STX8: variants seen among roughly 807,000 people sequenced by gnomAD.
STX8 encodes the protein syntaxin 8, also known as syntaxin-8.
Under a neutral mutation model 37.5 loss-of-function variants are expected in STX8, and 23 were observed. The observed-to-expected ratio is 0.61, with a 90% CI of 0.44 to 0.87. The LOEUF (loss-of-function observed/expected upper bound fraction) is 0.87, where lower values mean the gene tolerates loss of function less well. Ranked by LOEUF, STX8 falls within the 40% of genes least tolerant of loss-of-function variation. The pLI is 0.00. For missense variants in STX8, 313 were observed against 284.7 expected (o/e 1.10, Z -0.71); for synonymous variants, 115 against 99.1 (o/e 1.16, Z -0.95).
At chr17:9,435,331 A>G (rs1904393204) in intron 6 of STX8, among the ~76,000 whole-genome samples, 2 of 152,200 alleles carry the variant, frequency 1.3e-5, no homozygotes, top group Admixed American at 6.5e-5. Flanking sequence ...GCTAGAGCAC[A>G]GGAGATTAGG....
intron 6 of STX8, among the ~76,000 whole-genome samples, chr17:9,422,287 A>T (rs1339421604): frequency 6.6e-6 from 1 of 151,984 alleles, no homozygotes; most frequent in East Asian, 1.9e-4. Flanking sequence ...GTATTTTTTT[A>T]GTAGAGACAG....
chr17:9,554,991 C>T (rs559972999), intron 3 of STX8: 2 of 151,708 alleles, frequency 1.3e-5, no homozygotes, highest in Non-Finnish European at 2.9e-5. Context: ...TAAATGCCAT[C>T]CCTAGTACTG....
intron 6 of STX8, among the ~76,000 whole-genome samples, chr17:9,483,968 G>A (rs1906463938): frequency 6.6e-6 from 1 of 152,124 alleles, no homozygotes; most frequent in Admixed American, 6.5e-5. Flanking sequence ...CTACAGTGGG[G>A]CTGAATTGCT....
chr17:9,370,416 G>GT (rs1911367251), intron 7 of STX8, among the ~76,000 whole-genome samples: 1 of 152,106 alleles, frequency 6.6e-6, no homozygotes, highest in South Asian at 2.1e-4. Context: ...CACCCAGGCT[G>GT]TAAGTGGCAG....
chr17:9,388,007 G>A (rs559462569), intron 6 of STX8, among the ~76,000 whole-genome samples: 2 of 151,812 alleles, frequency 1.3e-5, no homozygotes, highest in African/African-American at 4.8e-5. Context: ...GACCGAAAAC[G>A]AAGTTTTTCA....
intron 7 of STX8, among the ~76,000 whole-genome samples, chr17:9,280,575 A>G (rs1021017135): frequency 6.6e-6 from 1 of 152,206 alleles, no homozygotes; most frequent in Non-Finnish European, 1.5e-5. Flanking sequence ...AAAATTTTAA[A>G]AACTAATGAA....
intron 7 of STX8, among the ~76,000 whole-genome samples, chr17:9,285,850 A>G (rs1176015477): frequency 3.9e-5 from 6 of 152,238 alleles, no homozygotes; most frequent in Non-Finnish European, 8.8e-5. Context: ...TTGTGCTTAG[A>G]AAAACAAATA....
At chr17:9,484,673 A>T (rs986349045) in intron 6 of STX8, among the ~76,000 whole-genome samples, 3 of 151,270 alleles carry the variant, frequency 2.0e-5, no homozygotes, top group African/African-American at 7.3e-5. Context: ...AAAAAAAAAA[A>T]AAAATTAGCC....
intron 2 of STX8, among the ~76,000 whole-genome samples, chr17:9,567,582 ATTT>A (rs1907511239): frequency 6.6e-6 from 1 of 152,238 alleles, no homozygotes; most frequent in Admixed American, 6.5e-5. Flanking sequence ...AGAGGCTTCT[ATTT>A]TCAATCATAG....
chr17:9,571,654 A>C (rs1907696830), intron 1 of STX8, among the ~76,000 whole-genome samples: 1 of 150,458 alleles, frequency 6.6e-6, no homozygotes, highest in African/African-American at 2.4e-5. Flanking sequence ...AGTGGCTCAC[A>C]CCTGTAATCC....
At chr17:9,312,765 G>A (rs1038014774) in intron 7 of STX8, among the ~76,000 whole-genome samples, 3 of 151,802 alleles carry the variant, frequency 2.0e-5, no homozygotes, top group African/African-American at 7.3e-5. Flanking sequence ...TAGAGTTAGA[G>A]GTAGAACAGT....
At chr17:9,520,802 A>G (rs969680473) in intron 4 of STX8, among the ~76,000 whole-genome samples, 4 of 152,234 alleles carry the variant, frequency 2.6e-5, no homozygotes, top group African/African-American at 9.6e-5. Context: ...ATAGCAGTGA[A>G]TTCCAAGAAG....
intron 7 of STX8, among the ~76,000 whole-genome samples, chr17:9,291,228 C>T (rs550500512): frequency 8.5e-5 from 13 of 152,102 alleles, no homozygotes; most frequent in South Asian, 8.3e-4. Flanking sequence ...AAAAGTCACC[C>T]GAGCCGAGGA....
chr17:9,263,309 C>G (rs2142129781), intron 7 of STX8, among the ~76,000 whole-genome samples: 1 of 152,192 alleles, frequency 6.6e-6, no homozygotes, highest in Admixed American at 6.5e-5. Flanking sequence ...AAACCCCATC[C>G]TCTACTAAAA....
At chr17:9,388,907 A>C (rs1912112009) in intron 6 of STX8, among the ~76,000 whole-genome samples, 1 of 152,106 alleles carries the variant, frequency 6.6e-6, no homozygotes, top group Non-Finnish European at 1.5e-5. Flanking sequence ...ATGTAGCTAC[A>C]AAGTCTTCAG....
intron 7 of STX8, among the ~76,000 whole-genome samples, chr17:9,254,083 C>T (rs1597565745): frequency 1.3e-5 from 2 of 152,158 alleles, no homozygotes; most frequent in East Asian, 3.9e-4. Flanking sequence ...TGCTTAAATC[C>T]TCCAGTGGCT....
In STX8 at chr17:9,439,661, A is replaced by G. The variant is rs138870764; in HGVS notation, c.541+52168T>C. 8.4e-4 allele frequency among the ~76,000 whole-genome samples: 128 copies of G among 151,676 alleles called. 1 individual carries two copies. The highest frequency in any genetic ancestry group is 2.2e-3 in the African/African-American group (89 of 41,280). On this transcript the variant is annotated intron_variant, in intron 6 of 7. Transcript: ENST00000306357. ...CAGGTGCGTGCCACCATGCCCAGCT[A>G]ATTTTTGTCTTTTTAGTAGAGATGG...
At chr17:9,286,449 T>A (rs1312738073) in intron 7 of STX8, among the ~76,000 whole-genome samples, 1 of 152,154 alleles carries the variant, frequency 6.6e-6, no homozygotes, top group Admixed American at 6.5e-5. Context: ...TTTATGCATG[T>A]GTAGTACAAA....
chr17:9,312,354 A>G (rs971860403), intron 7 of STX8, among the ~76,000 whole-genome samples: 1 of 152,000 alleles, frequency 6.6e-6, no homozygotes, highest in Non-Finnish European at 1.5e-5. Context: ...GGCATGCGCC[A>G]CCACGCCCAG....
Sources: gnomAD v4.1 joint callset for allele counts (sites outside exome capture counted in the v4.1 genomes callset) on GRCh38, gnomAD v4.1.1 for gene constraint, MANE v1.5 for transcripts, NCBI Gene and HGNC (gene_info 2026-07-23, HGNC 2026-07-21) for gene names.